PCDHGB3: variants seen among roughly 807,000 people sequenced by gnomAD.
PCDHGB3 encodes the protein protocadherin gamma-B3.
Under a neutral mutation model 59.2 loss-of-function variants are expected in PCDHGB3, and 40 were observed. The ratio of observed to expected loss-of-function variants is 0.68; its 90% CI spans 0.52 to 0.88. The LOEUF (loss-of-function observed/expected upper bound fraction) is 0.88, where lower values mean the gene tolerates loss of function less well. Among genes scored for constraint, PCDHGB3 ranks in the 40% least tolerant of loss-of-function variants. PCDHGB3 has a pLI of 0.00. For missense variants in PCDHGB3, 1,309 were observed against 1,187.9 expected (o/e 1.10, Z -1.50); for synonymous variants, 581 against 503.6 (o/e 1.15, Z -2.06).
intron 1 of PCDHGB3, chr5:141,383,068 C>T (rs376511249): frequency 6.2e-7 from 1 of 1,613,846 alleles, no homozygotes; most frequent in African/African-American, 1.3e-5. Flanking sequence ...GCTGGAGCCC[C>T]GGGAGCTGGC....
At chr5:141,393,876 C>A in intron 1 of PCDHGB3, 1 of 1,613,862 alleles carries the variant, frequency 6.2e-7, no homozygotes, top group Non-Finnish European at 8.5e-7. Context: ...TTTGTTTAGC[C>A]CAGTGTTAGA....
chr5:141,375,015 A>C, intron 1 of PCDHGB3: 2 of 1,613,916 alleles, frequency 1.2e-6, no homozygotes. Context: ...GACTATGAGG[A>C]CTCGAGTTTT....
rs934044974 is a variant in PCDHGB3, at chr5:141,476,034, C to T, written c.2416-18773C>T. 3 of 1,464,488 alleles carry T rather than the reference C, an allele frequency of 2.0e-6. No individual in the cohort carries two copies. The highest frequency in any genetic ancestry group is 2.3e-5 in the Admixed American group (1 of 44,364). The allele number at this position is 1,464,488 out of a possible 1,614,324, so 90.7% of individuals were successfully genotyped here. A position where few individuals can be genotyped will look rare whatever the true frequency, so the allele number is the denominator to read the frequency against. On this transcript the variant is annotated intron_variant, in intron 1 of 3. Transcript: ENST00000576222. The surrounding 1 kb of genome is among the most constrained non-coding windows in gnomAD (Gnocchi z 7.6). ...CCATGTCGGACTCGGCGCCCAGCGC[C>T]CAAGCGCTAACCCGCTGAAAGTTTC...
At chr5:141,383,109 T>C (rs562167618) in intron 1 of PCDHGB3, 78 of 1,613,790 alleles carry the variant, frequency 4.8e-5, no homozygotes, top group Non-Finnish European at 6.3e-5. Flanking sequence ...TCTCCAGAGG[T>C]AGGACGCAGC....
intron 1 of PCDHGB3, chr5:141,433,024 C>A: frequency 6.2e-7 from 1 of 1,614,168 alleles, no homozygotes; most frequent in African/African-American, 1.3e-5. Flanking sequence ...CCTATTCCCA[C>A]GAGGTTTCCC....
At chr5:141,471,252 T>C (rs1003162914) in intron 1 of PCDHGB3, 1 of 151,872 alleles carries the variant, frequency 6.6e-6, no homozygotes, top group Non-Finnish European at 1.5e-5. Flanking sequence ...GGTTTCACCA[T>C]GTTGGCAAGG....
intron 1 of PCDHGB3, chr5:141,395,233 G>T: frequency 6.2e-7 from 1 of 1,602,052 alleles, no homozygotes; most frequent in Non-Finnish European, 8.5e-7. Context: ...GCTGATCATG[G>T]TCAGGTGAGT....
chr5:141,510,795 G>T (rs994874330), intron 3 of PCDHGB3, 152 bp from the exon 4 acceptor site: 6 of 1,465,214 alleles, frequency 4.1e-6, no homozygotes. Flanking sequence ...CTTGTGAAGA[G>T]AGACTACCTT....
chr5:141,458,464 G>A (rs1035826436), intron 1 of PCDHGB3, among the ~76,000 whole-genome samples: 30 of 152,030 alleles, frequency 2.0e-4, no homozygotes, highest in Admixed American at 9.8e-4. Flanking sequence ...TTAAAATACC[G>A]TACAACTGCA....
At chr5:141,409,973 G>A in intron 1 of PCDHGB3, 1 of 1,613,380 alleles carries the variant, frequency 6.2e-7, no homozygotes, top group Non-Finnish European at 8.5e-7. Context: ...AGTGACTAAG[G>A]TGGTAGCGGT....
In PCDHGB3 at chr5:141,405,262, C is replaced by A. The variant is rs1352663124; in HGVS notation, c.2415+32453C>A. ...ACTCAAGGAAGAGTCACCTGATCTT[C>A]CCCCAGCCCAACTATGCAGACACAC... On this transcript the variant is annotated intron_variant, in intron 1 of 3. Coordinates refer to ENST00000576222, the MANE Select transcript of PCDHGB3 (RefSeq NM_018924.5). The A allele has an allele frequency of 2.5e-6, 4 of 1,614,012 alleles. No individual in the cohort carries two copies. In the African/African-American group the frequency reaches 5.3e-5, roughly 22 times the overall value.
At chr5:141,437,381 C>T (rs2097879875) in intron 1 of PCDHGB3, among the ~76,000 whole-genome samples, 1 of 152,222 alleles carries the variant, frequency 6.6e-6, no homozygotes, top group Non-Finnish European at 1.5e-5. Flanking sequence ...AGTCAGAAGA[C>T]ATTCATCCAC....
intron 1 of PCDHGB3, chr5:141,379,340 T>C (rs576770875): frequency 1.3e-5 from 2 of 152,350 alleles, no homozygotes; most frequent in South Asian, 4.1e-4. Flanking sequence ...TCTTCAAAGC[T>C]CATTTTCTTG....
chr5:141,393,136 C>A (rs1188231861), intron 1 of PCDHGB3: 3 of 1,613,306 alleles, frequency 1.9e-6, no homozygotes, highest in Admixed American at 1.7e-5. Flanking sequence ...AATATTAACA[C>A]CCTGGTTGAG....
rs375469126 is a variant in PCDHGB3 at position 141,405,300 on chromosome 5, A to G, written c.2415+32491A>G. 207 of 1,614,206 alleles carry G rather than the reference A, an allele frequency of 1.3e-4. No homozygotes were observed. Among genetic ancestry groups the G allele is most frequent in the Non-Finnish European group, 1.6e-4 (193 of 1,180,010 alleles). On this transcript the variant is annotated intron_variant, in intron 1 of 3. Transcript: ENST00000576222. Reference sequence around the variant, plus strand: ...TATGCAGACACACTCATCAGCCAGCAGAGCTGTGAGAAAAATGAGCCTTTG... The same window carrying G: ...TATGCAGACACACTCATCAGCCAGCGGAGCTGTGAGAAAAATGAGCCTTTG...
intron 1 of PCDHGB3, chr5:141,418,002 G>A: frequency 1.9e-6 from 3 of 1,613,916 alleles, no homozygotes; most frequent in Non-Finnish European, 2.5e-6. Flanking sequence ...TCGGTGGTGG[G>A]GAACCTCGCT....
chr5:141,409,180 T>C (rs2095236494), intron 1 of PCDHGB3: 1 of 1,613,848 alleles, frequency 6.2e-7, no homozygotes, highest in Non-Finnish European at 8.5e-7. Flanking sequence ...ACGGAGGTGG[T>C]CTCTCTACCC....
In PCDHGB3 at chr5:141,512,845, A is replaced by G. The variant is rs1166488780; in HGVS notation, c.*1672A>G. On this transcript the variant is annotated 3_prime_UTR_variant, in exon 4 of 4. Coordinates refer to ENST00000576222, the MANE Select transcript of PCDHGB3 (RefSeq NM_018924.5). ...CTCCCCCGTACTGACTTCTCCTATA[A>G]GCGCTTCTCTTCGCATAGTCACGTA... The G allele has an allele frequency of 6.6e-6, 1 of 152,156 alleles. No individual in the cohort carries two copies. Among genetic ancestry groups the G allele is most frequent in the African/African-American group, 2.4e-5 (1 of 41,380 alleles). 9.4% of individuals were successfully genotyped at this position (152,156 alleles called of 1,614,324 possible).
chr5:141,371,473 C>T lies in PCDHGB3; in HGVS notation c.1079C>T (p.Ala360Val). Reference protein sequence around the residue: ...ASESQHIQEDAELGTAVALIK... With the variant: ...ASESQHIQEDVELGTAVALIK... ...GAATCCCAACATATACAAGAAGATGCTGAGCTGGGGACTGCCGTTGCCCTG... is the reference window on the plus strand; with the variant it reads ...GAATCCCAACATATACAAGAAGATGTTGAGCTGGGGACTGCCGTTGCCCTG... The change falls in exon 1 of 4, where the codon GCT (alanine) becomes GTT (valine). Residue 360 changes from alanine to valine, a missense_variant. By Grantham distance (64) the Ala-to-Val change is moderately conservative. Coordinates refer to ENST00000576222, the MANE Select transcript of PCDHGB3 (RefSeq NM_018924.5). 1 of 1,613,958 alleles carries T rather than the reference C, an allele frequency of 6.2e-7. No individual in the cohort carries two copies. Among genetic ancestry groups the T allele is most frequent in the Admixed American group, 1.7e-5 (1 of 60,010 alleles).
Sources: allele counts gnomAD v4.1 joint callset (sites outside exome capture counted in the v4.1 genomes callset), GRCh38; gene constraint gnomAD v4.1.1; non-coding constraint Gnocchi (gnomAD v3.1); transcripts MANE v1.5; gene names NCBI Gene and HGNC (gene_info 2026-07-23, HGNC 2026-07-21).